The following ACTR3 variants were observed in gnomAD, a reference collection of about 807,000 sequenced individuals.
ACTR3 encodes actin related protein 3, also known as actin-related protein 3.
ACTR3 carries 12 observed loss-of-function variants against 56.8 expected under a neutral mutation model. The observed-to-expected ratio is 0.21, with a 90% confidence interval of 0.14 to 0.34. The LOEUF (loss-of-function observed/expected upper bound fraction) is 0.34, where lower values mean the gene tolerates loss of function less well. ACTR3 is among the 10% of genes least tolerant of loss of function. The probability of loss-of-function intolerance (pLI) is 1.00; values close to 1 mark genes in which losing one functional copy is unlikely to be tolerated. For missense variants in ACTR3, 282 were observed against 512.5 expected, an observed-to-expected ratio of 0.55 and a Z score of 4.34; for synonymous variants, 162 against 167.4, an observed-to-expected ratio of 0.97 and a Z score of 0.25.
chr2:113,937,414 G>T lies in ACTR3; in HGVS notation c.541-2545G>T, dbSNP rs989398341. ...AGCCACTGTGCCCAGCCTTGAAATT[G>T]AGTTCTTTTATTCACGTACCATATC... On this transcript the variant is annotated intron_variant, in intron 6 of 11. Transcript: ENST00000263238. 3.9e-5 allele frequency among the ~76,000 whole-genome samples: 6 copies of T among 152,064 alleles called. No homozygotes were observed. In the East Asian group the frequency reaches 1.2e-3, roughly 29 times the overall value.
chr2:113,924,428 A>T (rs975082022), intron 3 of ACTR3, among the ~76,000 whole-genome samples: 2 of 152,036 alleles, frequency 1.3e-5, no homozygotes, highest in Admixed American at 6.6e-5. Flanking sequence ...CTTGTCGTCC[A>T]TACCACTATT....
intron 9 of ACTR3, 37 bp from the exon 10 acceptor site, chr2:113,951,683 C>T: frequency 4.7e-6 from 7 of 1,497,704 alleles, no homozygotes; most frequent in Non-Finnish European, 6.3e-6. Flanking sequence ...TTAAACTTTT[C>T]TCTTTTTAAA....
chr2:113,891,738 T>C (rs1467551797), intron 1 of ACTR3, among the ~76,000 whole-genome samples: 1 of 152,110 alleles, frequency 6.6e-6, no homozygotes, highest in East Asian at 1.9e-4. Flanking sequence ...AGTGTGGCAG[T>C]TTCTAAAATC....
At chr2:113,944,701 G>A (rs1197055100) in intron 8 of ACTR3, among the ~76,000 whole-genome samples, 1 of 151,710 alleles carries the variant, frequency 6.6e-6, no homozygotes, top group Non-Finnish European at 1.5e-5. Flanking sequence ...GGTGGAGCTT[G>A]CAGTGAGCCG....
chr2:113,890,253 C>T lies in ACTR3; in HGVS notation c.-27C>T. On this transcript the variant is annotated 5_prime_UTR_variant, in exon 1 of 12. Transcript: ENST00000263238. ...CCTAGCAGCACGGAGCAGACGGCGG[C>T]AGCAGCAGCAGCAGGCGAGGAGGAA... 2 of 1,480,194 alleles carry T rather than the reference C, an allele frequency of 1.4e-6. No individual in the cohort carries two copies. Among genetic ancestry groups the T allele is most frequent in the Non-Finnish European group, 9.1e-7 (1 of 1,096,044 alleles). The allele number at this position is 1,480,194 out of a possible 1,614,324, so 91.7% of individuals were successfully genotyped here.
intron 2 of ACTR3, among the ~76,000 whole-genome samples, chr2:113,915,606 A>G (rs138758091): frequency 6.6e-6 from 1 of 152,182 alleles, no homozygotes; most frequent in East Asian, 1.9e-4. Flanking sequence ...GGAGACTACT[A>G]AAGTTATTTC....
chr2:113,911,807 G>A (rs1679311036), intron 1 of ACTR3, among the ~76,000 whole-genome samples: 1 of 151,010 alleles, frequency 6.6e-6, no homozygotes, highest in African/African-American at 2.4e-5. Flanking sequence ...TGTGATCTCG[G>A]CTCACTGCAA....
chr2:113,919,208 A>G (rs998651201), intron 3 of ACTR3, among the ~76,000 whole-genome samples: 1 of 152,186 alleles, frequency 6.6e-6, no homozygotes, highest in Non-Finnish European at 1.5e-5. Flanking sequence ...TTTAGTATGC[A>G]GTTTCTTTAT....
intron 8 of ACTR3, among the ~76,000 whole-genome samples, chr2:113,942,725 C>T (rs1169698998): frequency 6.6e-6 from 1 of 151,816 alleles, no homozygotes; most frequent in Non-Finnish European, 1.5e-5. Flanking sequence ...CTCCCCCCCT[C>T]CCTATTTGTG....
At chr2:113,954,488 A>G (rs1042300014) in intron 10 of ACTR3, 1 of 152,056 alleles carries the variant, frequency 6.6e-6, no homozygotes. Context: ...TATCTATATG[A>G]ACTCCTGATT....
intron 8 of ACTR3, among the ~76,000 whole-genome samples, chr2:113,949,818 C>T (rs981750090): frequency 6.6e-6 from 1 of 152,192 alleles, no homozygotes; most frequent in Non-Finnish European, 1.5e-5. Flanking sequence ...CTGCCTTGGC[C>T]TCCCAAAGCA....
intron 10 of ACTR3, chr2:113,954,594 T>C (rs1196134209): frequency 4.0e-5 from 6 of 151,782 alleles, no homozygotes; most frequent in African/African-American, 7.3e-5. Context: ...TTTTTTTTTT[T>C]CAGATTTGAC....
intron 4 of ACTR3, 70 bp downstream of exon 4, chr2:113,927,525 T>G: frequency 3.0e-6 from 3 of 984,384 alleles, no homozygotes; most frequent in Non-Finnish European, 4.6e-6. Context: ...TTCATCATAC[T>G]TCTTTGGTAT....
intron 1 of ACTR3, 171 bp downstream of exon 1, chr2:113,890,494 C>T (rs983112660): frequency 3.8e-6 from 5 of 1,319,676 alleles, no homozygotes; most frequent in East Asian, 2.9e-5. Context: ...TCGCGGGTCC[C>T]CTCGTTTCTC....
At chr2:113,911,244 AT>A (rs1318237725) in intron 1 of ACTR3, among the ~76,000 whole-genome samples, 1 of 151,934 alleles carries the variant, frequency 6.6e-6, no homozygotes, top group Non-Finnish European at 1.5e-5. Flanking sequence ...CAGAGGCCAA[AT>A]AATAAAGGGA....
intron 10 of ACTR3, chr2:113,953,632 A>T (rs1680158991): frequency 6.6e-6 from 1 of 152,166 alleles, no homozygotes; most frequent in Admixed American, 6.6e-5. Context: ...TTTTAATGGC[A>T]ACCAAACAGT....
At chr2:113,926,647 T>A (rs1679625216) in intron 3 of ACTR3, among the ~76,000 whole-genome samples, 2 of 152,190 alleles carry the variant, frequency 1.3e-5, no homozygotes, top group Non-Finnish European at 2.9e-5. Context: ...ACAGCCTGCC[T>A]TCAACCCTCT....
chr2:113,923,361 G>A (rs1192011295), intron 3 of ACTR3, among the ~76,000 whole-genome samples: 7 of 151,090 alleles, frequency 4.6e-5, no homozygotes, highest in Non-Finnish European at 8.8e-5. Flanking sequence ...TTTTTGAGAC[G>A]GAGCCTGGCT....
intron 3 of ACTR3, among the ~76,000 whole-genome samples, chr2:113,923,731 CCTTT>C (rs1559472797): frequency 7.0e-6 from 1 of 142,656 alleles, no homozygotes; most frequent in South Asian, 2.2e-4. Context: ...TTTCAGTTCT[CCTTT>C]TTTTTTTTTT....
Sources: allele counts gnomAD v4.1 joint callset (sites outside exome capture counted in the v4.1 genomes callset), GRCh38; gene constraint gnomAD v4.1.1; transcripts MANE v1.5; gene names NCBI Gene and HGNC (gene_info 2026-07-23, HGNC 2026-07-21).